Variants in PRKCE observed in about 807,000 individuals in gnomAD.
PRKCE encodes protein kinase C epsilon type.
A neutral mutation model predicts 85.4 loss-of-function variants in PRKCE; 16 were observed. That is an observed-to-expected ratio of 0.19 (90% confidence interval 0.13 to 0.28). The LOEUF is 0.28. Among genes scored for constraint, PRKCE ranks in the 10% least tolerant of loss-of-function variants. The pLI is 1.00. For synonymous variants in PRKCE, 388 were observed against 371.5 expected (o/e 1.04, Z -0.51); for missense variants, 573 against 975.2 (o/e 0.59, Z 5.49).
At chr2:46,070,756 G>C (rs1338605613) in intron 10 of PRKCE, among the ~76,000 whole-genome samples, 1 of 152,138 alleles carries the variant, frequency 6.6e-6, no homozygotes, top group Admixed American at 6.5e-5. Flanking sequence ...GGACAGACAC[G>C]GGGTCAAATT....
intron 2 of PRKCE, among the ~76,000 whole-genome samples, chr2:45,944,523 C>G (rs565678856): frequency 6.6e-6 from 1 of 152,272 alleles, no homozygotes; most frequent in East Asian, 1.9e-4. Context: ...GGGTCTTGCT[C>G]TGTCGCCCAG....
chr2:45,990,514 G>A (rs140758991), intron 6 of PRKCE, among the ~76,000 whole-genome samples: 17 of 152,178 alleles, frequency 1.1e-4, no homozygotes, highest in African/African-American at 3.1e-4. Flanking sequence ...CATCCCCTTC[G>A]CCTCCTCACA....
At chr2:45,737,912 A>G (rs1394030379) in intron 1 of PRKCE, among the ~76,000 whole-genome samples, 1 of 151,498 alleles carries the variant, frequency 6.6e-6, no homozygotes, top group Non-Finnish European at 1.5e-5. Flanking sequence ...CAACCTTAGC[A>G]CCCCTTCCTG....
chr2:46,051,983 A>G (rs1708887488), intron 10 of PRKCE, among the ~76,000 whole-genome samples: 1 of 152,142 alleles, frequency 6.6e-6, no homozygotes, highest in Non-Finnish European at 1.5e-5. Context: ...AACCGCCCCC[A>G]TGATCCAGTC....
intron 10 of PRKCE, among the ~76,000 whole-genome samples, chr2:46,037,709 G>C (rs1048629949): frequency 6.6e-6 from 1 of 152,110 alleles, no homozygotes; most frequent in Admixed American, 6.5e-5. Flanking sequence ...TCCTTCTCAG[G>C]CCACTCTTCA....
chr2:45,984,965 T>A (rs1703192244), intron 6 of PRKCE, among the ~76,000 whole-genome samples: 1 of 152,142 alleles, frequency 6.6e-6, no homozygotes, highest in Non-Finnish European at 1.5e-5. Flanking sequence ...TACAAAAGCA[T>A]AATAATTTCA....
intron 10 of PRKCE, among the ~76,000 whole-genome samples, chr2:46,046,119 C>T (rs1708507148): frequency 6.6e-6 from 1 of 152,184 alleles, no homozygotes; most frequent in Admixed American, 6.5e-5. Context: ...GAGGCCAGTG[C>T]CCCTGCTTAC....
intron 1 of PRKCE, among the ~76,000 whole-genome samples, chr2:45,716,702 G>GAA: frequency 9.4e-6 from 1 of 106,862 alleles, no homozygotes; most frequent in Non-Finnish European, 2.0e-5. Flanking sequence ...AAGGAAGGAA[G>GAA]GAAGGAAGGA....
chr2:46,049,445 C>T (rs980774100), intron 10 of PRKCE, among the ~76,000 whole-genome samples: 16 of 152,164 alleles, frequency 1.1e-4, no homozygotes, highest in Non-Finnish European at 2.1e-4. Flanking sequence ...GATGGGACAA[C>T]CTATCCCAGT....
At chr2:45,734,091 G>A (rs1026120405) in intron 1 of PRKCE, among the ~76,000 whole-genome samples, 2 of 152,224 alleles carry the variant, frequency 1.3e-5, no homozygotes, top group African/African-American at 4.8e-5. Context: ...CCTGGGCTGG[G>A]TGCGGTGGCT....
intron 1 of PRKCE, among the ~76,000 whole-genome samples, chr2:45,702,752 C>T (rs1040127974): frequency 1.3e-5 from 2 of 152,206 alleles, no homozygotes; most frequent in African/African-American, 2.4e-5. Flanking sequence ...AGAAGAGCTT[C>T]TGCTATTGCA....
At chr2:45,863,634 G>A (rs1466738204) in intron 2 of PRKCE, among the ~76,000 whole-genome samples, 1 of 152,124 alleles carries the variant, frequency 6.6e-6, no homozygotes, top group Non-Finnish European at 1.5e-5. Context: ...AGCAGAGTAA[G>A]TGCAATCCAG....
intron 1 of PRKCE, among the ~76,000 whole-genome samples, chr2:45,695,998 G>C (rs1408698357): frequency 6.6e-6 from 1 of 151,946 alleles, no homozygotes; most frequent in African/African-American, 2.4e-5. Flanking sequence ...GTGCAGGTTA[G>C]TTACATATGT....
chr2:46,183,619 C>G (rs61760002), intron 14 of PRKCE, among the ~76,000 whole-genome samples: 7,727 of 152,304 alleles, frequency 0.051, 336 homozygotes, highest in East Asian at 0.23. Flanking sequence ...CCCGCCATCC[C>G]CATGCCGCAC....
At chr2:46,102,947 A>T (rs1460310256) in intron 11 of PRKCE, among the ~76,000 whole-genome samples, 2 of 152,136 alleles carry the variant, frequency 1.3e-5, no homozygotes, top group Non-Finnish European at 2.9e-5. Context: ...TCCATACTGT[A>T]TTCTTTGCAA....
intron 11 of PRKCE, among the ~76,000 whole-genome samples, chr2:46,136,411 T>C (rs1181444053): frequency 1.3e-5 from 2 of 152,176 alleles, no homozygotes; most frequent in Non-Finnish European, 2.9e-5. Flanking sequence ...CTACCATCAA[T>C]ATAGAAAAAT....
intron 2 of PRKCE, among the ~76,000 whole-genome samples, chr2:45,966,724 C>T (rs1701755606): frequency 6.6e-6 from 1 of 152,068 alleles, no homozygotes; most frequent in Non-Finnish European, 1.5e-5. Flanking sequence ...GACAGTTTTC[C>T]CGGTCCTAAA....
chr2:45,677,852 G>A lies in PRKCE; in HGVS notation c.348+25404G>A, dbSNP rs1300528816. On this transcript the variant is annotated intron_variant, in intron 1 of 14. Coordinates refer to ENST00000306156, the MANE Select transcript of PRKCE (RefSeq NM_005400.3). ...TTCAGAGACACAACCGCTTCAGATG[G>A]GCAGTGAAAAAGACGATGGAAAGGC... 10 of 985,354 alleles carry A rather than the reference G, an allele frequency of 1.0e-5. No individual in the cohort carries two copies. In the South Asian group the frequency reaches 3.3e-4, roughly 32 times the overall value. 61.0% of individuals were successfully genotyped at this position (985,354 alleles called of 1,614,324 possible). A position where few individuals can be genotyped will look rare whatever the true frequency, so the allele number is the denominator to read the frequency against.
At chr2:46,011,088 C>A (rs745377585) in intron 10 of PRKCE, 6 of 432,682 alleles carry the variant, frequency 1.4e-5, no homozygotes, top group Non-Finnish European at 2.1e-5. Context: ...TAGAGTCTGA[C>A]TCGAGTATTA....
Sources: allele counts gnomAD v4.1 joint callset (sites outside exome capture counted in the v4.1 genomes callset), GRCh38; gene constraint gnomAD v4.1.1; transcripts MANE v1.5; gene names NCBI Gene and HGNC (gene_info 2026-07-23, HGNC 2026-07-21).